Variants in STXBP5 observed in about 807,000 individuals in gnomAD.
STXBP5 encodes the protein syntaxin binding protein 5, also known as syntaxin-binding protein 5.
In STXBP5, 50 loss-of-function variants were observed where a neutral mutation model predicts 152.4. The ratio of observed to expected loss-of-function variants is 0.33; its 90% CI spans 0.26 to 0.42. The LOEUF (loss-of-function observed/expected upper bound fraction) is 0.42, where lower values mean the gene tolerates loss of function less well. Among genes scored for constraint, STXBP5 ranks in the 10% least tolerant of loss-of-function variants. The pLI, the probability that STXBP5 is intolerant of heterozygous loss-of-function variation, is 1.00. For missense variants in STXBP5, 1,167 were observed against 1,388.6 expected, an observed-to-expected ratio of 0.84 and a Z score of 2.54; for synonymous variants, 492 against 494.7, an observed-to-expected ratio of 0.99 and a Z score of 0.07.
chr6:147,267,313 A>G (rs1224076192), intron 7 of STXBP5, 146 bp downstream of exon 7: 1 of 605,488 alleles, frequency 1.7e-6, no homozygotes, highest in Non-Finnish European at 2.8e-6. Context: ...TAATATGTTC[A>G]CACAATTCAA....
chr6:147,283,229 T>C (rs1780783398), intron 8 of STXBP5, among the ~76,000 whole-genome samples: 1 of 152,192 alleles, frequency 6.6e-6, no homozygotes, highest in African/African-American at 2.4e-5. Flanking sequence ...CTGTTGAAGG[T>C]CACTGAGGGA....
intron 8 of STXBP5, among the ~76,000 whole-genome samples, chr6:147,283,567 G>C (rs1334062160): frequency 1.3e-5 from 2 of 152,154 alleles, no homozygotes; most frequent in East Asian, 1.9e-4. Flanking sequence ...TTACACACGA[G>C]GATTGTGCTG....
rs546267904 is a variant in STXBP5 at position 147,227,722 on chromosome 6, C to T, written c.249-7528C>T. Among the ~76,000 whole-genome samples, 507 of 152,148 alleles carry T rather than the reference C, an allele frequency of 3.3e-3. 2 individuals are homozygous for T. The highest frequency in any genetic ancestry group is 0.012 in the African/African-American group (478 of 41,518). On this transcript the variant is annotated intron_variant, in intron 2 of 27. Transcript: ENST00000321680. ...TCCTTTTTCTTCCTCCTTTCCTTTG[C>T]GAACTGTAGTCACGTGTAATTAATA...
At chr6:147,337,192 G>GACACACACACACACACAC (rs61074711) in intron 19 of STXBP5, among the ~76,000 whole-genome samples, 3,292 of 53,886 alleles carry the variant, frequency 0.061, 116 homozygotes, top group East Asian at 0.24. Context: ...CACATACATA[G>GACACACACACACACACAC]ACACACACAC....
chr6:147,228,108 A>G (rs368321736), intron 2 of STXBP5, among the ~76,000 whole-genome samples: 13 of 152,000 alleles, frequency 8.6e-5, no homozygotes, highest in African/African-American at 3.1e-4. Context: ...TCTGAGTTGA[A>G]TTCAGTGTTT....
At chr6:147,207,440 T>C (rs772564406) in intron 2 of STXBP5, among the ~76,000 whole-genome samples, 3 of 152,206 alleles carry the variant, frequency 2.0e-5, no homozygotes, top group Non-Finnish European at 4.4e-5. Flanking sequence ...ACGGTGTGTC[T>C]GAAGTGCTCT....
chr6:147,220,110 T>C (rs1264791770), intron 2 of STXBP5, among the ~76,000 whole-genome samples: 1 of 152,060 alleles, frequency 6.6e-6, no homozygotes, highest in East Asian at 1.9e-4. Flanking sequence ...TAAAAAATTC[T>C]CTCTTAATAT....
intron 18 of STXBP5, among the ~76,000 whole-genome samples, chr6:147,329,242 TTTATA>T (rs1379179992): frequency 3.8e-4 from 57 of 148,428 alleles, no homozygotes; most frequent in Admixed American, 1.3e-3. Flanking sequence ...TTATATTATT[TTTATA>T]TTATATTTAT....
chr6:147,386,100 A>T lies in STXBP5; in HGVS notation c.*1345A>T, dbSNP rs978511375. On this transcript the variant is annotated 3_prime_UTR_variant, in exon 28 of 28. Transcript: ENST00000321680. ...CATAGAATAGCATTACGGGCAGGAA[A>T]GAAACCACCTAGTAGATCTAGAAGT... 1 of 152,166 alleles carries T rather than the reference A, an allele frequency of 6.6e-6. No homozygotes were observed. The highest frequency in any genetic ancestry group is 1.9e-4 in the East Asian group (1 of 5,166). The allele number at this position is 152,166 out of a possible 1,614,324, so 9.4% of individuals were successfully genotyped here. A position where few individuals can be genotyped will look rare whatever the true frequency, so the allele number is the denominator to read the frequency against.
rs1309963364 is a variant in STXBP5, at chr6:147,387,152, C to T, written c.*2397C>T. The T allele has an allele frequency of 6.6e-6, 1 of 151,562 alleles. No individual in the cohort carries two copies. Among genetic ancestry groups the T allele is most frequent in the Non-Finnish European group, 1.5e-5 (1 of 67,684 alleles). 9.4% of individuals were successfully genotyped at this position (151,562 alleles called of 1,614,324 possible). A position where few individuals can be genotyped will look rare whatever the true frequency, so the allele number is the denominator to read the frequency against. ...AGTATGTTTGAGTGTAGGAAATAAG[C>T]TTCTCAGAGTTATACTTGATTCTGT... On this transcript the variant is annotated 3_prime_UTR_variant, in exon 28 of 28. Transcript: ENST00000321680.
intron 19 of STXBP5, among the ~76,000 whole-genome samples, chr6:147,338,343 CAAAGG>C (rs1267380087): frequency 2.0e-5 from 3 of 151,824 alleles, no homozygotes; most frequent in Non-Finnish European, 4.4e-5. Context: ...TAAGGGAACT[CAAAGG>C]AGAAGTGATT....
intron 7 of STXBP5, among the ~76,000 whole-genome samples, chr6:147,277,543 T>C (rs1007573642): frequency 1.3e-5 from 2 of 152,118 alleles, no homozygotes; most frequent in Admixed American, 6.5e-5. Context: ...AAATTTCTTA[T>C]CAGAACAGTG....
chr6:147,247,727 G>C (rs1582837871), intron 4 of STXBP5, among the ~76,000 whole-genome samples: 1 of 151,946 alleles, frequency 6.6e-6, no homozygotes, highest in South Asian at 2.1e-4. Flanking sequence ...CTTGTTTAAC[G>C]TGTGCAGTTA....
intron 21 of STXBP5, among the ~76,000 whole-genome samples, chr6:147,349,400 C>T (rs1784488515): frequency 6.6e-6 from 1 of 152,112 alleles, no homozygotes; most frequent in Admixed American, 6.6e-5. Flanking sequence ...CTTTATCTTG[C>T]TCGTTCTAAC....
Position 147,239,151 on chromosome 6 carries a change from G to A in STXBP5, c.331-19G>A, listed in dbSNP as rs776434488. 4 of 1,601,378 alleles carry A rather than the reference G, an allele frequency of 2.5e-6. No individual in the cohort carries two copies. The South Asian group carries it at 3.3e-5, about 13-fold the overall frequency. On this transcript the variant is annotated intron_variant, in intron 3 of 27. Coordinates refer to ENST00000321680, the MANE Select transcript of STXBP5 (RefSeq NM_001127715.4). ...ATAAAATATATTATACATGAAATGT[G>A]TTATACTTGATTTTTAAGGGAGCGC...
chr6:147,381,784 G>A (rs1786097180), intron 26 of STXBP5, among the ~76,000 whole-genome samples: 1 of 152,016 alleles, frequency 6.6e-6, no homozygotes, highest in Non-Finnish European at 1.5e-5. Flanking sequence ...GCTACAAAAG[G>A]CCACCTATTG....
intron 4 of STXBP5, among the ~76,000 whole-genome samples, chr6:147,257,832 AACAGCC>A (rs1313431296): frequency 7.2e-5 from 11 of 152,266 alleles, no homozygotes; most frequent in African/African-American, 2.7e-4. Context: ...AGGCTAAAAT[AACAGCC>A]ATTTTGTTGG....
intron 8 of STXBP5, among the ~76,000 whole-genome samples, chr6:147,278,742 GCAGA>G (rs1780562238): frequency 6.6e-6 from 1 of 152,132 alleles, no homozygotes. Flanking sequence ...AAGGCATAAA[GCAGA>G]ATCTGCAAAG....
chr6:147,377,819 T>C lies in STXBP5; in HGVS notation c.3193+3977T>C, dbSNP rs908648116. On this transcript the variant is annotated intron_variant, in intron 26 of 27. Transcript: ENST00000321680. ...GTGGGGGACATAACTGTTGAGTGTA[T>C]AACAAAAGCCAAAGTTGATTCTCTA... 2.6e-5 allele frequency among the ~76,000 whole-genome samples: 4 copies of C among 152,040 alleles called. No homozygotes were observed. The South Asian group carries it at 6.2e-4, about 24-fold the overall frequency.
Sources: allele counts gnomAD v4.1 joint callset (sites outside exome capture counted in the v4.1 genomes callset), GRCh38; gene constraint gnomAD v4.1.1; transcripts MANE v1.5; gene names NCBI Gene and HGNC (gene_info 2026-07-23, HGNC 2026-07-21).